Variants in SPOP observed in about 807,000 individuals in gnomAD.
SPOP encodes speckle-type POZ protein.
Under a neutral mutation model 45.6 loss-of-function variants are expected in SPOP, and 11 were observed. That is an observed-to-expected ratio of 0.24 (90% confidence interval 0.15 to 0.40). SPOP has a LOEUF of 0.40. Ranked by LOEUF, SPOP falls within the 10% of genes least tolerant of loss-of-function variation. The pLI is 1.00. For missense variants in SPOP, 152 were observed against 465.6 expected (o/e 0.33, Z 6.20); for synonymous variants, 166 against 166.3 (o/e 1.00, Z 0.01).
At chr17:49,629,520 G>A (rs996298714) in intron 1 of SPOP, among the ~76,000 whole-genome samples, 9 of 152,148 alleles carry the variant, frequency 5.9e-5, no homozygotes, top group Non-Finnish European at 1.2e-4. Context: ...AGAGGAGAAA[G>A]CCTTGTTATA....
chr17:49,613,953 T>A (rs185251415), intron 5 of SPOP, among the ~76,000 whole-genome samples: 1 of 152,216 alleles, frequency 6.6e-6, no homozygotes, highest in Non-Finnish European at 1.5e-5. Context: ...GTGACATTTA[T>A]GTCATCTTAT....
chr17:49,629,495 T>C (rs2072408209), intron 1 of SPOP, among the ~76,000 whole-genome samples: 1 of 152,230 alleles, frequency 6.6e-6, no homozygotes, highest in East Asian at 1.9e-4. Context: ...GTATCAAGTA[T>C]ATATTTATTC....
intron 1 of SPOP, among the ~76,000 whole-genome samples, chr17:49,657,144 C>T (rs943694851): frequency 2.0e-5 from 3 of 151,240 alleles, no homozygotes; most frequent in African/African-American, 4.9e-5. Flanking sequence ...GAGATTGCGC[C>T]GAGATTGCGC....
chr17:49,607,422 C>G (rs1182781731), intron 7 of SPOP, 50 bp from the exon 8 acceptor site: 5 of 1,580,116 alleles, frequency 3.2e-6, no homozygotes, highest in Non-Finnish European at 4.3e-6. Flanking sequence ...AACAAAATCC[C>G]TAAACTAAAC....
chr17:49,665,760 G>C (rs1410133040), intron 1 of SPOP, among the ~76,000 whole-genome samples: 1 of 150,938 alleles, frequency 6.6e-6, no homozygotes, highest in African/African-American at 2.4e-5. Context: ...GAGGCGGGTG[G>C]ATCACCTGAG....
At chr17:49,657,085 T>G (rs893682721) in intron 1 of SPOP, among the ~76,000 whole-genome samples, 10 of 151,706 alleles carry the variant, frequency 6.6e-5, no homozygotes, top group Non-Finnish European at 1.0e-4. Flanking sequence ...CTTGGGAGGC[T>G]GAGGCAGGAG....
At chr17:49,603,415 T>C (rs1469638035) in intron 8 of SPOP, among the ~76,000 whole-genome samples, 1 of 152,252 alleles carries the variant, frequency 6.6e-6, no homozygotes, top group East Asian at 1.9e-4. Context: ...CTGATCCCTA[T>C]TGCATAATTA....
At chr17:49,645,715 A>G (rs1471785643) in intron 1 of SPOP, among the ~76,000 whole-genome samples, 1 of 152,154 alleles carries the variant, frequency 6.6e-6, no homozygotes, top group Non-Finnish European at 1.5e-5. Context: ...TCTCTCTTTT[A>G]ATCATCTCAA....
chr17:49,624,202 C>A (rs1457142928), intron 1 of SPOP, among the ~76,000 whole-genome samples: 1 of 152,054 alleles, frequency 6.6e-6, no homozygotes, highest in Non-Finnish European at 1.5e-5. Flanking sequence ...AGGATGAATT[C>A]ATCTAGAGAT....
intron 1 of SPOP, among the ~76,000 whole-genome samples, chr17:49,637,200 A>G (rs1019544533): frequency 1.3e-5 from 2 of 152,002 alleles, no homozygotes; most frequent in Admixed American, 1.3e-4. Flanking sequence ...ATGCCACCGC[A>G]CTCCAGTCTG....
chr17:49,647,312 T>C (rs1162880680), intron 1 of SPOP, among the ~76,000 whole-genome samples: 1 of 81,960 alleles, frequency 1.2e-5, no homozygotes, highest in Admixed American at 1.5e-4. Context: ...AGATGCCGTC[T>C]TAAAAAAAAA....
At chr17:49,665,785 A>C (rs1232832724) in intron 1 of SPOP, among the ~76,000 whole-genome samples, 1 of 151,210 alleles carries the variant, frequency 6.6e-6, no homozygotes, top group Non-Finnish European at 1.5e-5. Context: ...GGAGTTCAAG[A>C]CCAGCCTGGC....
chr17:49,600,254 G>T lies in SPOP; in HGVS notation c.*124C>A. ...TGTTTTAAAAGTCTGGGGCCACAATGCAGTCTCTTCCCCTCACAACAGAGT... is the reference window on the plus strand; with the variant it reads ...TGTTTTAAAAGTCTGGGGCCACAATTCAGTCTCTTCCCCTCACAACAGAGT... On this transcript the variant is annotated 3_prime_UTR_variant, in exon 10 of 10. Transcript: ENST00000504102. This position sits in a 1 kb window ranked among gnomAD's most constrained non-coding sequence, Gnocchi z 4.2. The T allele has an allele frequency of 7.8e-7, 1 of 1,275,696 alleles. No individual in the cohort carries two copies. The highest frequency in any genetic ancestry group is 1.1e-6 in the Non-Finnish European group (1 of 909,166). The allele number at this position is 1,275,696 out of a possible 1,614,324, so 79.0% of individuals were successfully genotyped here.
intron 8 of SPOP, among the ~76,000 whole-genome samples, chr17:49,606,677 TA>T (rs1252250078): frequency 2.0e-5 from 3 of 151,690 alleles, no homozygotes; most frequent in Non-Finnish European, 1.5e-5. Flanking sequence ...TATTTTTTAG[TA>T]GAGATGGGGT....
At chr17:49,626,612 T>C (rs1056900124) in intron 1 of SPOP, among the ~76,000 whole-genome samples, 1 of 151,932 alleles carries the variant, frequency 6.6e-6, no homozygotes, top group Non-Finnish European at 1.5e-5. Flanking sequence ...GAGAGTAGCT[T>C]GAACCCAGGA....
chr17:49,622,984 T>C (rs2072250366), intron 1 of SPOP, 108 bp from the exon 2 acceptor site: 1 of 588,664 alleles, frequency 1.7e-6, no homozygotes, highest in African/African-American at 1.9e-5. Context: ...ATTGTTTGAG[T>C]GGCTCCTTAC....
At chr17:49,641,251 A>G (rs2072642314) in intron 1 of SPOP, among the ~76,000 whole-genome samples, 1 of 142,250 alleles carries the variant, frequency 7.0e-6, no homozygotes, top group Admixed American at 7.1e-5. Context: ...TGACAGAGCA[A>G]GACTCTGTCT....
intron 1 of SPOP, among the ~76,000 whole-genome samples, chr17:49,669,118 G>A (rs574133387): frequency 7.0e-5 from 10 of 143,122 alleles, no homozygotes; most frequent in African/African-American, 2.6e-4. Flanking sequence ...CCAGGCGGGA[G>A]TGCAGTGGTG....
intron 1 of SPOP, among the ~76,000 whole-genome samples, chr17:49,647,155 G>T (rs923476856): frequency 6.6e-6 from 1 of 151,424 alleles, no homozygotes; most frequent in Non-Finnish European, 1.5e-5. Flanking sequence ...AATTAGCCAG[G>T]TGTGGTGGTG....
Sources: allele counts gnomAD v4.1 joint callset (sites outside exome capture counted in the v4.1 genomes callset), GRCh38; gene constraint gnomAD v4.1.1; non-coding constraint Gnocchi (gnomAD v3.1); transcripts MANE v1.5; gene names NCBI Gene and HGNC (gene_info 2026-07-23, HGNC 2026-07-21).